The following TLE1 variants were observed in gnomAD, a reference collection of about 807,000 sequenced individuals.
TLE1 encodes TLE family member 1, transcriptional corepressor, also known as transducin-like enhancer protein 1.
A neutral mutation model predicts 89.8 loss-of-function variants in TLE1; 21 were observed. That is an observed-to-expected ratio of 0.23 (90% CI 0.17 to 0.34). TLE1 has a LOEUF of 0.34. Among genes scored for constraint, TLE1 ranks in the 10% least tolerant of loss-of-function variants. The probability of loss-of-function intolerance (pLI) is 1.00; values close to 1 mark genes in which losing one functional copy is unlikely to be tolerated. For synonymous variants in TLE1, 447 were observed against 407.6 expected, an observed-to-expected ratio of 1.10 and a Z score of -1.16; for missense variants, 795 against 1,031.2, an observed-to-expected ratio of 0.77 and a Z score of 3.14.
chr9:81,610,163 A>G, intron 14 of TLE1, 57 bp downstream of exon 14: 5 of 1,474,624 alleles, frequency 3.4e-6, no homozygotes, highest in Non-Finnish European at 4.7e-6. Context: ...TAGTCTGCTA[A>G]TACCAATGAC....
At chr9:81,610,549 T>G (rs1335282264) in intron 13 of TLE1, among the ~76,000 whole-genome samples, 1 of 152,160 alleles carries the variant, frequency 6.6e-6, no homozygotes, top group East Asian at 1.9e-4. Flanking sequence ...CACTTCCCCA[T>G]GGTAAATACT....
At chr9:81,682,822 G>A (rs933771214) in intron 4 of TLE1, among the ~76,000 whole-genome samples, 2 of 152,138 alleles carry the variant, frequency 1.3e-5, no homozygotes, top group Non-Finnish European at 2.9e-5. Context: ...TGGGCAGACA[G>A]GGATCTATAA....
At chr9:81,608,134 C>T (rs1831929481) in intron 14 of TLE1, among the ~76,000 whole-genome samples, 1 of 152,092 alleles carries the variant, frequency 6.6e-6, no homozygotes, top group African/African-American at 2.4e-5. Context: ...CCATGCTGGG[C>T]GTGGTGGCTC....
At chr9:81,613,944 G>C (rs1824061621) in intron 11 of TLE1, among the ~76,000 whole-genome samples, 1 of 122,430 alleles carries the variant, frequency 8.2e-6, no homozygotes, top group African/African-American at 3.3e-5. Context: ...GTCTCACTCT[G>C]TCACCCAAGC....
In TLE1 at chr9:81,689,085, C is replaced by G. The variant is rs919948846; in HGVS notation, c.-845G>C. ...ATCAGGGCGCCGCGCCTCGGGCGCA[C>G]TCGCCCTGCACGGCCGGACCGGCCG... On this transcript the variant is annotated 5_prime_UTR_variant, in exon 1 of 20. Coordinates refer to ENST00000376499, the MANE Select transcript of TLE1 (RefSeq NM_005077.5). The G allele has an allele frequency of 6.6e-6, 1 of 152,276 alleles. No individual in the cohort carries two copies. Among genetic ancestry groups the G allele is most frequent in the Non-Finnish European group, 1.5e-5 (1 of 68,142 alleles). The allele number at this position is 152,276 out of a possible 1,614,324, so 9.4% of individuals were successfully genotyped here.
intron 4 of TLE1, among the ~76,000 whole-genome samples, chr9:81,660,205 C>T (rs1040252354): frequency 1.3e-5 from 2 of 151,954 alleles, no homozygotes; most frequent in Admixed American, 1.3e-4. Context: ...AAAACTGATG[C>T]CAGGGTACAT....
chr9:81,588,474 T>C (rs143137091), intron 16 of TLE1, among the ~76,000 whole-genome samples: 174 of 152,252 alleles, frequency 1.1e-3, no homozygotes, highest in African/African-American at 4.1e-3. Flanking sequence ...CTCAGAGGCA[T>C]TGGGCAGAGA....
At chr9:81,591,377 C>T (rs1829469686) in intron 15 of TLE1, among the ~76,000 whole-genome samples, 1 of 152,222 alleles carries the variant, frequency 6.6e-6, no homozygotes, top group Admixed American at 6.5e-5. Flanking sequence ...TCTACCTCAT[C>T]ACCCTGCATT....
At chr9:81,630,089 T>C (rs12379295) in intron 8 of TLE1, among the ~76,000 whole-genome samples, 32,509 of 152,002 alleles carry the variant, frequency 0.21, 4,837 homozygotes, top group African/African-American at 0.43. Flanking sequence ...CTCTGATTTC[T>C]GCACTTGGTA....
At chr9:81,681,194 T>C (rs1214183410) in intron 4 of TLE1, among the ~76,000 whole-genome samples, 1 of 152,202 alleles carries the variant, frequency 6.6e-6, no homozygotes, top group Non-Finnish European at 1.5e-5. Context: ...CCAACCAGGA[T>C]TGCAGAATAT....
chr9:81,586,351 G>C (rs531340511), intron 17 of TLE1, among the ~76,000 whole-genome samples: 1 of 152,154 alleles, frequency 6.6e-6, no homozygotes, highest in Non-Finnish European at 1.5e-5. Flanking sequence ...ACTTCAGAGA[G>C]TGCACTTACA....
intron 4 of TLE1, among the ~76,000 whole-genome samples, chr9:81,677,240 C>CT (rs938873105): frequency 7.1e-6 from 1 of 141,726 alleles, no homozygotes; most frequent in African/African-American, 2.6e-5. Flanking sequence ...TCGTCTTCCC[C>CT]CCCCCAAAAA....
chr9:81,634,415 G>A (rs758001642), intron 6 of TLE1, 114 bp from the exon 7 acceptor site: 15 of 843,650 alleles, frequency 1.8e-5, no homozygotes, highest in African/African-American at 3.4e-5. Context: ...AGGGGAAGGC[G>A]GAAACAGAAC....
Position 81,688,513 on chromosome 9 carries a change from C to T in TLE1, c.-273G>A. On this transcript the variant is annotated 5_prime_UTR_variant, in exon 1 of 20. Transcript: ENST00000376499. ...CAAGAACCTGCGCGGAGACGTCGGG[C>T]GCTCGGGGACTGTGCGCGGGGGCAG... is the stretch of plus-strand genomic sequence containing the variant. 2.7e-6 allele frequency: 1 copy of T among 373,612 alleles called. No homozygotes were observed. The highest frequency in any genetic ancestry group is 4.7e-6 in the Non-Finnish European group (1 of 212,500). The allele number at this position is 373,612 out of a possible 1,614,324, so 23.1% of individuals were successfully genotyped here. A position where few individuals can be genotyped will look rare whatever the true frequency, so the allele number is the denominator to read the frequency against.
At chr9:81,591,116 T>G in intron 15 of TLE1, 64 bp from the exon 16 acceptor site, 10 of 1,562,856 alleles carry the variant, frequency 6.4e-6, no homozygotes, top group African/African-American at 2.7e-5. Context: ...CCATGTTCTC[T>G]AATGGCTGTC....
intron 4 of TLE1, among the ~76,000 whole-genome samples, chr9:81,681,307 T>C (rs1833595398): frequency 6.6e-6 from 1 of 152,150 alleles, no homozygotes; most frequent in Admixed American, 6.5e-5. Context: ...CCCAGCACTT[T>C]GCGAAGCCGA....
At chr9:81,596,961 G>C (rs890039552) in intron 14 of TLE1, among the ~76,000 whole-genome samples, 14 of 152,146 alleles carry the variant, frequency 9.2e-5, no homozygotes, top group Non-Finnish European at 1.9e-4. Context: ...TATTCAAGAG[G>C]AAGTCGAGGG....
At chr9:81,651,666 A>G (rs1829553088) in intron 6 of TLE1, among the ~76,000 whole-genome samples, 1 of 151,912 alleles carries the variant, frequency 6.6e-6, no homozygotes, top group South Asian at 2.1e-4. Flanking sequence ...ACTAAATGAA[A>G]TGATAATTCA....
chr9:81,591,435 G>A (rs796457291), intron 15 of TLE1, among the ~76,000 whole-genome samples: 27 of 152,240 alleles, frequency 1.8e-4, no homozygotes, highest in African/African-American at 5.8e-4. Context: ...TTCGGTCTTC[G>A]TTATGCTGAG....
Sources: gnomAD v4.1 joint callset for allele counts (sites outside exome capture counted in the v4.1 genomes callset) on GRCh38, gnomAD v4.1.1 for gene constraint, MANE v1.5 for transcripts, NCBI Gene and HGNC (gene_info 2026-07-23, HGNC 2026-07-21) for gene names.